CDH13: variants seen among roughly 807,000 people sequenced by gnomAD.
CDH13 encodes cadherin 13.
Under a neutral mutation model 63.8 loss-of-function variants are expected in CDH13, and 24 were observed. The ratio of observed to expected loss-of-function variants is 0.38; its 90% CI spans 0.27 to 0.53. The LOEUF (loss-of-function observed/expected upper bound fraction) is 0.53. Among genes scored for constraint, CDH13 ranks in the 20% least tolerant of loss-of-function variants. CDH13 has a pLI of 0.85. For missense variants in CDH13, 1,049 were observed against 903.1 expected (o/e 1.16, Z -2.07); for synonymous variants, 503 against 355.3 (o/e 1.42, Z -4.67).
chr16:82,857,753 A>C (rs922948816), intron 1 of CDH13, among the ~76,000 whole-genome samples: 6 of 152,244 alleles, frequency 3.9e-5, no homozygotes, highest in Non-Finnish European at 5.9e-5. Context: ...CATGTAATTA[A>C]TATGAAATTA....
chr16:82,912,625 G>T (rs556818969), intron 2 of CDH13, among the ~76,000 whole-genome samples: 3 of 152,326 alleles, frequency 2.0e-5, no homozygotes, highest in Non-Finnish European at 2.9e-5. Context: ...CAACTAATTT[G>T]TGCTTTCTGT....
intron 1 of CDH13, among the ~76,000 whole-genome samples, chr16:82,788,668 T>G (rs2036141927): frequency 6.6e-6 from 1 of 152,180 alleles, no homozygotes; most frequent in African/African-American, 2.4e-5. Context: ...CAGCCAGCAT[T>G]TGTGAATTTG....
At chr16:83,644,274 C>T (rs1911583758) in intron 8 of CDH13, among the ~76,000 whole-genome samples, 1 of 152,172 alleles carries the variant, frequency 6.6e-6, no homozygotes, top group African/African-American at 2.4e-5. Context: ...CCTTCTGATC[C>T]ATAATGCCAA....
intron 2 of CDH13, among the ~76,000 whole-genome samples, chr16:82,861,122 C>G (rs1301253062): frequency 4.6e-5 from 7 of 152,122 alleles, no homozygotes. Context: ...TGCATAGATT[C>G]CATTTCCTGA....
At chr16:83,221,257 C>G (rs770732438) in intron 5 of CDH13, among the ~76,000 whole-genome samples, 3 of 152,122 alleles carry the variant, frequency 2.0e-5, no homozygotes, top group Non-Finnish European at 4.4e-5. Context: ...TGATCTATTA[C>G]TTTTTAAAAA....
intron 4 of CDH13, among the ~76,000 whole-genome samples, chr16:83,202,786 A>G (rs557158863): frequency 1.0e-3 from 154 of 152,318 alleles, no homozygotes; most frequent in Non-Finnish European, 1.7e-3. Context: ...TTATTACATT[A>G]CTTTCTCTGA....
chr16:82,809,548 G>A (rs1456779777), intron 1 of CDH13, among the ~76,000 whole-genome samples: 1 of 152,062 alleles, frequency 6.6e-6, no homozygotes, highest in Non-Finnish European at 1.5e-5. Context: ...TACTAACCCT[G>A]AAATCAGGTC....
intron 6 of CDH13, among the ~76,000 whole-genome samples, chr16:83,357,876 A>G (rs1005389771): frequency 1.3e-5 from 2 of 152,188 alleles, no homozygotes; most frequent in African/African-American, 2.4e-5. Context: ...AGCAGGATCA[A>G]TGGACATGGA....
At chr16:83,039,153 C>T (rs1187579418) in intron 3 of CDH13, among the ~76,000 whole-genome samples, 2 of 152,208 alleles carry the variant, frequency 1.3e-5, no homozygotes, top group South Asian at 2.1e-4. Context: ...GCTATATACG[C>T]TTGGATCCAG....
intron 8 of CDH13, among the ~76,000 whole-genome samples, chr16:83,659,758 C>G (rs1247596299): frequency 6.6e-6 from 1 of 151,648 alleles, no homozygotes; most frequent in African/African-American, 2.4e-5. Context: ...AGAAAGGTAC[C>G]CATGAGTTAG....
At chr16:83,246,857 A>T (rs1779189208) in intron 5 of CDH13, among the ~76,000 whole-genome samples, 1 of 151,874 alleles carries the variant, frequency 6.6e-6, no homozygotes, top group South Asian at 2.1e-4. Flanking sequence ...TTTCCCTTCT[A>T]CTCCAGTCCT....
intron 6 of CDH13, among the ~76,000 whole-genome samples, chr16:83,418,982 A>G (rs2071633866): frequency 6.6e-6 from 1 of 152,152 alleles, no homozygotes; most frequent in South Asian, 2.1e-4. Context: ...AAACATATGC[A>G]GGTGCCAGCC....
chr16:83,202,430 G>A (rs1010788790), intron 4 of CDH13, among the ~76,000 whole-genome samples: 1 of 152,182 alleles, frequency 6.6e-6, no homozygotes, highest in Non-Finnish European at 1.5e-5. Context: ...GCCCTGGAAA[G>A]ATTTTAATCA....
At chr16:83,149,238 A>G (rs1232819264) in intron 4 of CDH13, among the ~76,000 whole-genome samples, 1 of 152,218 alleles carries the variant, frequency 6.6e-6, no homozygotes, top group East Asian at 1.9e-4. Context: ...GTGGAAACCA[A>G]GGTGGTGAGA....
intron 7 of CDH13, among the ~76,000 whole-genome samples, chr16:83,527,262 A>T (rs747292127): frequency 6.6e-6 from 1 of 152,146 alleles, no homozygotes; most frequent in Non-Finnish European, 1.5e-5. Flanking sequence ...ATCCTAGCCA[A>T]CACGGTGAAA....
At chr16:83,751,076 G>T (rs1412738002) in intron 11 of CDH13, among the ~76,000 whole-genome samples, 1 of 152,112 alleles carries the variant, frequency 6.6e-6, no homozygotes, top group Non-Finnish European at 1.5e-5. Flanking sequence ...CAGGTTCTTT[G>T]TGTGCAAAGA....
chr16:83,694,800 G>A (rs1361498179), intron 10 of CDH13, among the ~76,000 whole-genome samples: 1 of 152,188 alleles, frequency 6.6e-6, no homozygotes, highest in Non-Finnish European at 1.5e-5. Flanking sequence ...CCTTTGGGCT[G>A]GACTAGGGAG....
intron 1 of CDH13, among the ~76,000 whole-genome samples, chr16:82,817,570 G>A (rs9931777): frequency 0.32 from 49,032 of 152,040 alleles, 9,020 homozygotes; most frequent in East Asian, 0.75. Flanking sequence ...TTGGGAGGCC[G>A]AGGTGGGTGG....
At chr16:83,359,688 A>C (rs2151384186) in intron 6 of CDH13, among the ~76,000 whole-genome samples, 1 of 152,346 alleles carries the variant, frequency 6.6e-6, no homozygotes, top group Non-Finnish European at 1.5e-5. Flanking sequence ...ACAGAATTAG[A>C]AACAGTGTGC....
Sources: gnomAD v4.1 joint callset for allele counts (sites outside exome capture counted in the v4.1 genomes callset) on GRCh38, gnomAD v4.1.1 for gene constraint, MANE v1.5 for transcripts, NCBI Gene and HGNC (gene_info 2026-07-23, HGNC 2026-07-21) for gene names.